The following CELF2 variants were observed in gnomAD, a reference collection of about 807,000 sequenced individuals.
CELF2 encodes CUGBP Elav-like family member 2.
Under a neutral mutation model 62.6 loss-of-function variants are expected in CELF2, and 8 were observed. That is an observed-to-expected ratio of 0.13 (90% CI 0.07 to 0.23). CELF2 has a LOEUF of 0.23. Ranked by LOEUF, CELF2 falls within the 10% of genes least tolerant of loss-of-function variation. The probability of loss-of-function intolerance (pLI) is 1.00; values close to 1 mark genes in which losing one functional copy is unlikely to be tolerated. For missense variants in CELF2, 333 were observed against 671.0 expected (o/e 0.50, Z 5.56); for synonymous variants, 258 against 250.0 (o/e 1.03, Z -0.30).
intron 1 of CELF2, among the ~76,000 whole-genome samples, chr10:10,914,790 A>G (rs920739032): frequency 1.9e-4 from 29 of 152,110 alleles, no homozygotes; most frequent in African/African-American, 6.8e-4. Context: ...CTCTGAACAT[A>G]TAATTGCACT....
At chr10:10,967,627 A>G (rs770477168) in intron 2 of CELF2, among the ~76,000 whole-genome samples, 4 of 152,184 alleles carry the variant, frequency 2.6e-5, no homozygotes, top group Non-Finnish European at 5.9e-5. Context: ...CGTGCAGCCT[A>G]AGAAACATAC....
chr10:11,218,981 A>G (rs1170299042), intron 3 of CELF2, among the ~76,000 whole-genome samples: 1 of 152,236 alleles, frequency 6.6e-6, no homozygotes, highest in African/African-American at 2.4e-5. Context: ...TCAAACCCAA[A>G]GACCACTTTG....
At chr10:10,633,257 G>A in the CELF2 span, among the ~76,000 whole-genome samples, 2 of 152,262 alleles carry the variant, frequency 1.3e-5, no homozygotes, top group Middle Eastern at 3.4e-3. Context: ...CATGGACATT[G>A]CCAGATTGTC....
intron 10 of CELF2, chr10:11,317,592 AG>A (rs1324361587): frequency 6.6e-6 from 1 of 152,274 alleles, no homozygotes; most frequent in East Asian, 1.9e-4. Flanking sequence ...AAAGCCTAGC[AG>A]GGCAGCTTGC....
chr10:10,848,791 A>G (rs2059178940), intron 1 of CELF2, among the ~76,000 whole-genome samples: 2 of 152,200 alleles, frequency 1.3e-5, no homozygotes, highest in Non-Finnish European at 2.9e-5. Flanking sequence ...TTCTTCAACC[A>G]TCTAGAAAAC....
chr10:11,257,180 G>A (rs1022147005), intron 4 of CELF2, among the ~76,000 whole-genome samples: 18 of 152,000 alleles, frequency 1.2e-4, no homozygotes, highest in African/African-American at 4.1e-4. Context: ...TTCTTGTCTA[G>A]ATCAGCAGGG....
At chr10:11,142,891 T>C (rs1388672131) in intron 1 of CELF2, among the ~76,000 whole-genome samples, 1 of 151,504 alleles carries the variant, frequency 6.6e-6, no homozygotes, top group African/African-American at 2.4e-5. Context: ...CTCAGTCCCC[T>C]CGTGATTCTT....
intron 3 of CELF2, among the ~76,000 whole-genome samples, chr10:11,241,165 C>T (rs980260918): frequency 1.3e-5 from 2 of 152,168 alleles, no homozygotes; most frequent in Non-Finnish European, 2.9e-5. Flanking sequence ...ATAGTTATGA[C>T]CTCCAGATAT....
chr10:10,496,382 G>A, the CELF2 span, among the ~76,000 whole-genome samples: 2 of 152,096 alleles, frequency 1.3e-5, no homozygotes, highest in Non-Finnish European at 2.9e-5. Flanking sequence ...TACCATAGTA[G>A]TCTCCTTTTC....
intron 1 of CELF2, chr10:10,846,043 T>C (rs921888062): frequency 1.1e-6 from 1 of 936,366 alleles, no homozygotes; most frequent in Non-Finnish European, 1.3e-6. Context: ...CATTAACCTG[T>C]GAACCCCCTT....
rs114937940 is a variant in CELF2 at position 10,839,300 on chromosome 10, C to T, written c.53+40483C>T. Among the ~76,000 whole-genome samples the T allele has an allele frequency of 6.1e-3, 926 of 152,290 alleles. 8 individuals carry two copies. Among genetic ancestry groups the T allele is most frequent in the African/African-American group, 0.021 (889 of 41,534 alleles). ...ATACATATATCCCTAAATATCTCTA[C>T]ATGTAACCCTCTATATAAATAGTAA... On this transcript the variant is annotated intron_variant, in intron 1 of 13. Transcript: ENST00000636488.
At chr10:11,014,697 C>T (rs992305433), upstream of CELF2, among the ~76,000 whole-genome samples, 7 of 151,720 alleles carry the variant, frequency 4.6e-5, no homozygotes, top group African/African-American at 7.3e-5. Context: ...AGATGAGGTT[C>T]GAAGACGGAA....
At chr10:10,899,829 C>T (rs1308208013) in intron 1 of CELF2, among the ~76,000 whole-genome samples, 1 of 152,162 alleles carries the variant, frequency 6.6e-6, no homozygotes, top group African/African-American at 2.4e-5. Context: ...ATAACTCACT[C>T]ACTATCATGA....
chr10:10,666,022 C>T, the CELF2 span, among the ~76,000 whole-genome samples: 1 of 152,204 alleles, frequency 6.6e-6, no homozygotes, highest in African/African-American at 2.4e-5. Flanking sequence ...ATCATTCTCA[C>T]CGCTTGCAAA....
chr10:10,727,519 G>A, the CELF2 span, among the ~76,000 whole-genome samples: 7 of 152,292 alleles, frequency 4.6e-5, no homozygotes, highest in Admixed American at 3.3e-4. Flanking sequence ...GCTCATGCCT[G>A]TAATACCAGC....
the CELF2 span, among the ~76,000 whole-genome samples, chr10:10,785,000 C>T: frequency 2.0e-5 from 3 of 152,218 alleles, no homozygotes; most frequent in African/African-American, 7.2e-5. Flanking sequence ...GAAAACACTA[C>T]AGTTGAAAGT....
chr10:10,492,397 A>G, the CELF2 span, among the ~76,000 whole-genome samples: 1 of 152,256 alleles, frequency 6.6e-6, no homozygotes, highest in Non-Finnish European at 1.5e-5. Flanking sequence ...CCAACATGGC[A>G]CATAGATATA....
chr10:10,779,182 A>G, the CELF2 span, among the ~76,000 whole-genome samples: 14 of 152,298 alleles, frequency 9.2e-5, no homozygotes, highest in East Asian at 1.2e-3. Flanking sequence ...GACTGTGTTC[A>G]TTTGACCCTC....
At chr10:10,811,084 G>C (rs1349163756) in intron 1 of CELF2, among the ~76,000 whole-genome samples, 1 of 152,208 alleles carries the variant, frequency 6.6e-6, no homozygotes, top group Non-Finnish European at 1.5e-5. Flanking sequence ...CTTGGATCAG[G>C]AGAGTCAGAC....
Sources: allele counts gnomAD v4.1 joint callset (sites outside exome capture counted in the v4.1 genomes callset), GRCh38; gene constraint gnomAD v4.1.1; transcripts MANE v1.5; gene names NCBI Gene and HGNC (gene_info 2026-07-23, HGNC 2026-07-21).